Variants in PRTG observed in about 807,000 individuals in gnomAD.
PRTG encodes protogenin.
In PRTG, 67 loss-of-function variants were observed where a neutral mutation model predicts 122.5. The ratio of observed to expected loss-of-function variants is 0.55; its 90% CI spans 0.45 to 0.67. PRTG has a LOEUF of 0.67. PRTG is among the 30% of genes least tolerant of loss of function. PRTG has a pLI of 0.00. For synonymous variants in PRTG, 554 were observed against 501.1 expected (o/e 1.11, Z -1.41); for missense variants, 1,435 against 1,415.4 (o/e 1.01, Z -0.22).
intron 11 of PRTG, among the ~76,000 whole-genome samples, 195 bp downstream of exon 11, chr15:55,672,250 T>G (rs1029096980): frequency 3.9e-5 from 6 of 152,178 alleles, no homozygotes; most frequent in Non-Finnish European, 5.9e-5. Flanking sequence ...TGCCTGATAT[T>G]TTGCCACTGG....
chr15:55,659,758 A>G (rs1250296344), intron 11 of PRTG, among the ~76,000 whole-genome samples: 2 of 151,990 alleles, frequency 1.3e-5, no homozygotes, highest in South Asian at 2.1e-4. Context: ...CGTCTCTACT[A>G]AAAACACAAA....
At chr15:55,665,040 C>T (rs1273459593) in intron 11 of PRTG, among the ~76,000 whole-genome samples, 1 of 151,622 alleles carries the variant, frequency 6.6e-6, no homozygotes, top group African/African-American at 2.4e-5. Flanking sequence ...GGGTGGATCA[C>T]GAGGTCAGGA....
chr15:55,673,777 G>A (rs1345449079), intron 9 of PRTG, 101 bp from the exon 10 acceptor site: 2 of 878,170 alleles, frequency 2.3e-6, no homozygotes, highest in South Asian at 1.7e-5. Context: ...ATATAATAAA[G>A]AAGAGACACT....
intron 18 of PRTG, among the ~76,000 whole-genome samples, chr15:55,623,435 C>G (rs11853232): frequency 6.6e-6 from 1 of 152,040 alleles, no homozygotes; most frequent in Non-Finnish European, 1.5e-5. Context: ...GGCATGGTGG[C>G]GCACGCCTGT....
At position 55,680,046 on chromosome 15, in the gene PRTG, G is replaced by A; in HGVS notation, c.973+8C>T. On this transcript the variant is annotated splice_region_variant and intron_variant, in intron 6 of 19. Coordinates refer to ENST00000389286, the MANE Select transcript of PRTG (RefSeq NM_173814.6). ...GATTCCCCTGATTGCAGAATGAAAG[G>A]AACATACCTAATACAGTTAAAGTTG... The A allele has an allele frequency of 6.2e-7, 1 of 1,610,410 alleles. No individual in the cohort carries two copies. Among genetic ancestry groups the A allele is most frequent in the Non-Finnish European group, 8.5e-7 (1 of 1,177,736 alleles).
At chr15:55,646,244 C>T (rs2059322364) in intron 11 of PRTG, among the ~76,000 whole-genome samples, 1 of 150,006 alleles carries the variant, frequency 6.7e-6, no homozygotes. Context: ...AATCTTCTGA[C>T]CTTGTGATTC....
At chr15:55,727,038 T>C (rs942603872) in intron 2 of PRTG, among the ~76,000 whole-genome samples, 29 of 151,684 alleles carry the variant, frequency 1.9e-4, no homozygotes, top group Non-Finnish European at 4.4e-5. Context: ...AACTGGTGGC[T>C]ATAAACATAT....
At chr15:55,622,621 G>A (rs538078425) in intron 18 of PRTG, among the ~76,000 whole-genome samples, 11 of 151,620 alleles carry the variant, frequency 7.3e-5, no homozygotes, top group African/African-American at 2.7e-4. Flanking sequence ...TCGATCTCCT[G>A]ACCTCGTGAT....
intron 11 of PRTG, among the ~76,000 whole-genome samples, chr15:55,665,903 AAAATTATATG>A (rs1469925752): frequency 1.3e-5 from 2 of 152,210 alleles, no homozygotes; most frequent in African/African-American, 2.4e-5. Context: ...GTGACACGTC[AAAATTATATG>A]AAATTCATAC....
At chr15:55,635,092 T>TGTGTGTGTGTGC (rs2059250261) in intron 15 of PRTG, among the ~76,000 whole-genome samples, 1 of 151,738 alleles carries the variant, frequency 6.6e-6, no homozygotes, top group Non-Finnish European at 1.5e-5. Flanking sequence ...TGTGTGTGTG[T>TGTGTGTGTGTGC]GTGTGTGTGT....
chr15:55,660,939 C>G (rs182167049), intron 11 of PRTG, among the ~76,000 whole-genome samples: 2 of 151,978 alleles, frequency 1.3e-5, no homozygotes, highest in Non-Finnish European at 2.9e-5. Flanking sequence ...CAATTTGATG[C>G]GCCATTTGGA....
intron 2 of PRTG, among the ~76,000 whole-genome samples, chr15:55,690,110 T>C (rs2059592593): frequency 6.6e-6 from 1 of 152,214 alleles, no homozygotes; most frequent in African/African-American, 2.4e-5. Flanking sequence ...CATATTAATA[T>C]TGATCCCATT....
chr15:55,740,634 T>C lies in PRTG; in HGVS notation c.145A>G (p.Thr49Ala). The C allele has an allele frequency of 1.9e-6, 3 of 1,614,098 alleles. No homozygotes were observed. Among genetic ancestry groups the C allele is most frequent in the Non-Finnish European group, 2.5e-6 (3 of 1,180,020 alleles). The change falls in exon 2 of 20, where the codon ACT becomes GCT. Residue 49 changes from threonine (T) to alanine (A), a missense_variant. Coordinates refer to ENST00000389286, the MANE Select transcript of PRTG (RefSeq NM_173814.6). ...LSFVKEPQDV[T>A]VTRKDPVVLD... ...ACGACTGGGTCCTTTCTTGTGACAG[T>C]TACATCCTGTGGTTCTTTTACAAAA...
intron 15 of PRTG, among the ~76,000 whole-genome samples, chr15:55,634,696 GC>G (rs2059246589): frequency 6.6e-6 from 1 of 151,946 alleles, no homozygotes. Context: ...CAAAAAATTA[GC>G]CAGGCATGAT....
chr15:55,688,493 C>T (rs556831534), intron 2 of PRTG, among the ~76,000 whole-genome samples: 10 of 152,302 alleles, frequency 6.6e-5, no homozygotes, highest in African/African-American at 2.4e-4. Context: ...CTCAGACCTT[C>T]GTACTCATCG....
At chr15:55,653,991 A>C (rs550884886) in intron 11 of PRTG, among the ~76,000 whole-genome samples, 1 of 152,330 alleles carries the variant, frequency 6.6e-6, no homozygotes, top group East Asian at 1.9e-4. Context: ...CTAGATAAGA[A>C]ATATTTAGAG....
Position 55,641,153 on chromosome 15 carries a change from G to C in PRTG, c.2097C>G (p.Gly699=). The change falls in exon 12 of 20, where the codon GGC becomes GGG. Residue 699 remains glycine (G), a synonymous_variant. Transcript: ENST00000389286. ...TGCTGACAGTCTGATCTGCCTGATA[G>C]CCATCGTCTATGTTGTTGTAAGCCA... ...RLLAYNNIDD[G]YQADQTVSTP... 1 of 1,614,002 alleles carries C rather than the reference G, an allele frequency of 6.2e-7. No homozygotes were observed. The highest frequency in any genetic ancestry group is 8.5e-7 in the Non-Finnish European group (1 of 1,179,918).
intron 11 of PRTG, among the ~76,000 whole-genome samples, chr15:55,661,654 A>T (rs925264754): frequency 3.3e-5 from 5 of 152,304 alleles, no homozygotes; most frequent in Non-Finnish European, 5.9e-5. Context: ...GTACTAAAAA[A>T]AGTTACTCTT....
intron 2 of PRTG, among the ~76,000 whole-genome samples, chr15:55,686,348 T>C (rs76052261): frequency 0.07 from 10,708 of 152,166 alleles, 464 homozygotes; most frequent in Non-Finnish European, 0.1. Context: ...AAAATGGGAA[T>C]TTTACTTTAT....
Sources: gnomAD v4.1 joint callset for allele counts (sites outside exome capture counted in the v4.1 genomes callset) on GRCh38, gnomAD v4.1.1 for gene constraint, MANE v1.5 for transcripts, NCBI Gene and HGNC (gene_info 2026-07-23, HGNC 2026-07-21) for gene names.